The following WDPCP variants were observed in gnomAD, a reference collection of about 807,000 sequenced individuals.
WDPCP encodes the protein WD repeat-containing and planar cell polarity effector protein fritz homolog.
In WDPCP, 71 loss-of-function variants were observed where a neutral mutation model predicts 93.1. The ratio of observed to expected loss-of-function variants is 0.76; its 90% CI spans 0.63 to 0.93. The LOEUF is 0.93. Ranked by LOEUF, WDPCP falls within the 40% of genes least tolerant of loss-of-function variation. WDPCP has a pLI of 0.00. For synonymous variants in WDPCP, 315 were observed against 315.0 expected (o/e 1.00, Z 0.00); for missense variants, 844 against 887.4 (o/e 0.95, Z 0.62).
At chr2:63,794,270 A>G (rs982356340) in intron 2 of WDPCP, among the ~76,000 whole-genome samples, 2 of 152,148 alleles carry the variant, frequency 1.3e-5, no homozygotes, top group African/African-American at 4.8e-5. Flanking sequence ...TACAGTAGCC[A>G]TATGTTTTAA....
In WDPCP at chr2:63,404,627, G is replaced by T. The variant is rs367653779; in HGVS notation, c.856C>A (p.Pro286Thr). Residue 286 changes from proline (P) to threonine (T), a missense_variant, in exon 10 of 18, where the codon CCA (proline) becomes ACA (threonine). Pro to Thr is a conservative substitution (Grantham distance 38). Coordinates refer to ENST00000272321, the MANE Select transcript of WDPCP (RefSeq NM_015910.7). ...TTGGTGCCAAAGCGAACATCCAGTG[G>T]GTCCCATTCTGTGCGGACAGAACTC... ...VLSSVRTEWD[P>T]LDVRFGTKQP... The T allele has an allele frequency of 6.2e-7, 1 of 1,613,890 alleles. No homozygotes were observed. The highest frequency in any genetic ancestry group is 8.5e-7 in the Non-Finnish European group (1 of 1,179,976).
intron 2 of WDPCP, among the ~76,000 whole-genome samples, chr2:63,764,588 T>A (rs1368005277): frequency 6.6e-6 from 1 of 152,140 alleles, no homozygotes; most frequent in Non-Finnish European, 1.5e-5. Context: ...AAAAGCACAT[T>A]AAATATAAAT....
At chr2:63,351,123 A>G (rs1045496923) in intron 12 of WDPCP, among the ~76,000 whole-genome samples, 1 of 152,090 alleles carries the variant, frequency 6.6e-6, no homozygotes, top group African/African-American at 2.4e-5. Context: ...CTGGGATTAC[A>G]GGCGTGTGCC....
intron 9 of WDPCP, 53 bp from the exon 10 acceptor site, chr2:63,404,710 T>G (rs1694436177): frequency 6.2e-7 from 1 of 1,604,808 alleles, no homozygotes; most frequent in African/African-American, 1.3e-5. Flanking sequence ...TTTCTTCAAC[T>G]TCACACCTAG....
chr2:63,168,245 G>A (rs1419263119), intron 15 of WDPCP, among the ~76,000 whole-genome samples: 2 of 150,956 alleles, frequency 1.3e-5, no homozygotes, highest in Non-Finnish European at 2.9e-5. Context: ...ATATTCTTAA[G>A]TGTTTTATCT....
At chr2:63,545,339 GAGAGAGAGAGAGAC>G (rs911970582) in intron 1 of WDPCP, among the ~76,000 whole-genome samples, 26 of 150,506 alleles carry the variant, frequency 1.7e-4, no homozygotes, top group African/African-American at 5.6e-4. Context: ...GTGTGTGTGA[GAGAGAGAGAGAGAC>G]AGAGAGAGAG....
chr2:63,588,828 T>C (rs1272717734), upstream of WDPCP: 8 of 585,420 alleles, frequency 1.4e-5, no homozygotes, highest in Non-Finnish European at 1.5e-5. Flanking sequence ...ACCTCTGGTA[T>C]CGGGAAGTGT....
intron 2 of WDPCP, among the ~76,000 whole-genome samples, chr2:63,709,559 G>A (rs1463824085): frequency 1.3e-5 from 2 of 152,182 alleles, no homozygotes; most frequent in African/African-American, 4.8e-5. Flanking sequence ...CCCAAGGCCT[G>A]CTATGAATTT....
intron 13 of WDPCP, among the ~76,000 whole-genome samples, chr2:63,283,369 A>G (rs1034105974): frequency 1.3e-5 from 2 of 152,198 alleles, no homozygotes; most frequent in African/African-American, 4.8e-5. Flanking sequence ...TAATTTTACA[A>G]GTAGGATTAA....
Position 63,588,287 on chromosome 2 carries a change from C to G in WDPCP, c.-16G>C, listed in dbSNP as rs961097158. Reference sequence around the variant, plus strand: ...CTCGCCTCATCACCAGACACTACCCCGGGCAGAAGGTTCCTAGGCTAGGTC... The same window carrying G: ...CTCGCCTCATCACCAGACACTACCCGGGGCAGAAGGTTCCTAGGCTAGGTC... On this transcript the variant is annotated 5_prime_UTR_variant, in exon 1 of 18. Coordinates refer to ENST00000272321, the MANE Select transcript of WDPCP (RefSeq NM_015910.7). The G allele has an allele frequency of 1.3e-6, 2 of 1,568,186 alleles. No individual in the cohort carries two copies. The highest frequency in any genetic ancestry group is 2.4e-5 in the East Asian group (1 of 41,904).
intron 1 of WDPCP, chr2:63,518,815 T>C (rs1158364730): frequency 6.6e-6 from 1 of 152,262 alleles, no homozygotes; most frequent in Non-Finnish European, 1.5e-5. Flanking sequence ...GCTCGCATCA[T>C]AGCTCTTGCA....
chr2:63,461,898 A>G lies in WDPCP; in HGVS notation c.385-22027T>C, dbSNP rs912526104. On this transcript the variant is annotated intron_variant, in intron 6 of 17. Coordinates refer to ENST00000272321, the MANE Select transcript of WDPCP (RefSeq NM_015910.7). ...AAGGGTTTTAAGCAGAGGAGTAACA[A>G]ATTTGTTTTTTAAAAAGTTCAACCA... is the stretch of plus-strand genomic sequence containing the variant. Among the ~76,000 whole-genome samples, 8 of 152,236 alleles carry G rather than the reference A, an allele frequency of 5.3e-5. No individual in the cohort carries two copies. The East Asian group carries it at 1.2e-3, about 22-fold the overall frequency.
intron 14 of WDPCP, among the ~76,000 whole-genome samples, chr2:63,203,372 G>A (rs1246647270): frequency 6.6e-6 from 1 of 151,988 alleles, no homozygotes; most frequent in East Asian, 1.9e-4. Context: ...ATTGACTAAA[G>A]TCACCCTGCT....
chr2:63,207,478 A>T (rs1012212300), intron 14 of WDPCP, among the ~76,000 whole-genome samples: 14 of 152,286 alleles, frequency 9.2e-5, no homozygotes, highest in African/African-American at 3.1e-4. Flanking sequence ...TTTCCTTAAT[A>T]AATTACCCAG....
intron 12 of WDPCP, among the ~76,000 whole-genome samples, chr2:63,348,228 C>T (rs1041776666): frequency 6.6e-6 from 1 of 152,092 alleles, no homozygotes; most frequent in African/African-American, 2.4e-5. Context: ...CCCAAAGTTA[C>T]CCATCCAATA....
chr2:63,572,124 T>C (rs973952529), intron 1 of WDPCP, among the ~76,000 whole-genome samples: 1 of 152,156 alleles, frequency 6.6e-6, no homozygotes, highest in Admixed American at 6.5e-5. Flanking sequence ...AAATCCCATA[T>C]CGTGTATTCC....
At chr2:63,228,467 A>G (rs1259912875) in intron 14 of WDPCP, 1 of 136,588 alleles carries the variant, frequency 7.3e-6, no homozygotes, top group Non-Finnish European at 1.5e-5. Flanking sequence ...GTTTTAGGGT[A>G]CATGTGCACA....
intron 9 of WDPCP, among the ~76,000 whole-genome samples, chr2:63,410,339 A>G (rs1694932157): frequency 6.6e-6 from 1 of 152,222 alleles, no homozygotes; most frequent in African/African-American, 2.4e-5. Flanking sequence ...GCCACTACCA[A>G]GCAACCACTA....
rs767592636 is a variant in WDPCP at position 63,485,685 on chromosome 2, TTC to T, written c.254-700_254-699del. On this transcript the variant is annotated intron_variant, in intron 4 of 17. Coordinates refer to ENST00000272321, the MANE Select transcript of WDPCP (RefSeq NM_015910.7). ...TTAGCCTAAAATAAATTAAAAATAG[TTC>T]TGTTTAAAATAATTTAAAAATGTTA... 1.1e-4 allele frequency among the ~76,000 whole-genome samples: 16 copies of T among 152,016 alleles called. No individual in the cohort carries two copies. In the East Asian group the frequency reaches 1.4e-3, roughly 13 times the overall value.
Sources: gnomAD v4.1 joint callset for allele counts (sites outside exome capture counted in the v4.1 genomes callset) on GRCh38, gnomAD v4.1.1 for gene constraint, MANE v1.5 for transcripts, NCBI Gene and HGNC (gene_info 2026-07-23, HGNC 2026-07-21) for gene names.